The following FANCD2 variants were observed in gnomAD, a reference collection of about 807,000 sequenced individuals.
The protein encoded by FANCD2 is Fanconi anemia group D2 protein.
Under a neutral mutation model 192.3 loss-of-function variants are expected in FANCD2, and 131 were observed. The ratio of observed to expected loss-of-function variants is 0.68; its 90% confidence interval spans 0.59 to 0.79. The LOEUF is 0.79. Among genes scored for constraint, FANCD2 ranks in the 30% least tolerant of loss-of-function variants. FANCD2 has a pLI of 0.00. For synonymous variants in FANCD2, 524 were observed against 612.5 expected, an observed-to-expected ratio of 0.86 and a Z score of 2.13; for missense variants, 1,508 against 1,701.6, an observed-to-expected ratio of 0.89 and a Z score of 2.00.
chr3:10,097,004 G>A (rs576343420), intron 42 of FANCD2, among the ~76,000 whole-genome samples: 2 of 152,204 alleles, frequency 1.3e-5, no homozygotes, highest in East Asian at 3.9e-4. Context: ...TGGGCGTCCG[G>A]GGGAGACATC....
intron 17 of FANCD2, among the ~76,000 whole-genome samples, chr3:10,050,441 G>A (rs1398438917): frequency 1.3e-5 from 2 of 151,264 alleles, no homozygotes; most frequent in Non-Finnish European, 2.9e-5. Flanking sequence ...TGCCTAACAC[G>A]GTGAAACCCC....
chr3:10,081,029 C>T (rs1242554669), intron 30 of FANCD2, 71 bp from the exon 31 acceptor site: 1 of 1,575,932 alleles, frequency 6.3e-7, no homozygotes, highest in Admixed American at 1.7e-5. Flanking sequence ...TGACTTGACT[C>T]CATTGCGAAC....
chr3:10,045,250 G>A (rs2086971592), intron 14 of FANCD2, among the ~76,000 whole-genome samples: 1 of 151,384 alleles, frequency 6.6e-6, no homozygotes, highest in South Asian at 2.1e-4. Context: ...CTCACTGCAA[G>A]CTCCGCCTCC....
intron 42 of FANCD2, 66 bp downstream of exon 42, chr3:10,096,538 T>C (rs1694977957): frequency 1.3e-5 from 20 of 1,502,102 alleles, no homozygotes; most frequent in Non-Finnish European, 1.9e-5. Context: ...TCAGATGGCA[T>C]GTAAGGAAGG....
chr3:10,096,304 G>A (rs769332990), intron 41 of FANCD2, 22 bp from the exon 42 acceptor site: 11 of 1,612,984 alleles, frequency 6.8e-6, no homozygotes, highest in Admixed American at 5.0e-5. Context: ...ACAAAAGATG[G>A]ATGTTATTTA....
At chr3:10,091,082 CT>C (rs893693945) in intron 37 of FANCD2, among the ~76,000 whole-genome samples, 37 of 147,500 alleles carry the variant, frequency 2.5e-4, no homozygotes, top group African/African-American at 8.0e-4. Flanking sequence ...TATGTTTTTT[CT>C]TTTTTTTTTC....
chr3:10,054,467 ATATATATTTTTTTTTTT>A (rs1475783997), intron 18 of FANCD2, among the ~76,000 whole-genome samples: 10 of 25,026 alleles, frequency 4.0e-4, no homozygotes, highest in African/African-American at 7.7e-4. Flanking sequence ...ATATATATAT[ATATATATTTTTTTTTTT>A]TTTTTTTTTT....
In FANCD2 at chr3:10,049,174, A is replaced by G. The variant is rs11921952; in HGVS notation, c.1414-200A>G. ...ACTGATAAAATATGGGAAATAGGTC[A>G]AGATGGGATGGTCAAGTTACACTGG... On this transcript the variant is annotated intron_variant, in intron 16 of 43. Coordinates refer to ENST00000675286, the MANE Select transcript of FANCD2 (RefSeq NM_001018115.3). 0.029 allele frequency among the ~76,000 whole-genome samples: 4,338 copies of G among 151,474 alleles called. 45 individuals carry two copies. The highest frequency in any genetic ancestry group is 0.1 in the African/African-American group (4,115 of 40,984).
intron 25 of FANCD2, among the ~76,000 whole-genome samples, chr3:10,066,457 T>C (rs1400528532): frequency 6.6e-6 from 1 of 152,262 alleles, no homozygotes; most frequent in Non-Finnish European, 1.5e-5. Context: ...TCTATTATGA[T>C]ACGGGCAGGA....
chr3:10,054,447 A>G (rs1412603709), intron 18 of FANCD2, among the ~76,000 whole-genome samples: 3 of 25,766 alleles, frequency 1.2e-4, no homozygotes, highest in African/African-American at 1.9e-4. Flanking sequence ...ATGTATATAC[A>G]TATATATATA....
At chr3:10,038,208 C>A (rs907935558) in intron 7 of FANCD2, among the ~76,000 whole-genome samples, 1 of 152,066 alleles carries the variant, frequency 6.6e-6, no homozygotes. Context: ...GCCAGGCTGG[C>A]CTCGAACTCC....
chr3:10,060,480 C>A, intron 19 of FANCD2, 77 bp downstream of exon 19: 2 of 1,080,268 alleles, frequency 1.9e-6, no homozygotes, highest in Non-Finnish European at 2.9e-6. Context: ...TCATAGACAT[C>A]ATTTTAGCAG....
intron 16 of FANCD2, among the ~76,000 whole-genome samples, chr3:10,048,597 G>A (rs547493630): frequency 6.6e-6 from 1 of 152,332 alleles, no homozygotes; most frequent in East Asian, 1.9e-4. Context: ...GAGCCATTGG[G>A]CCTGGCCGAG....
In FANCD2 at chr3:10,081,411, A is replaced by G; in HGVS notation, c.3171A>G (p.Ile1057Met). Residue 1057 changes from isoleucine (I) to methionine (M), a missense_variant, in exon 32 of 44, where the codon ATA becomes ATG. Around this residue, in one of 5 missense-constraint regions of FANCD2, gnomAD observed 796 missense variants for 879.4 expected, o/e 0.91. Coordinates refer to ENST00000675286, the MANE Select transcript of FANCD2 (RefSeq NM_001018115.3). ...GPGVKVQEYH[I>M]MSSCYQRLLQ... is the part of the protein sequence containing the mutation. ...GAGTGAAAGTTCAGGAGTACCACAT[A>G]ATGTCTTCCTGCTATCAGAGGCTGC... 6.2e-7 allele frequency: 1 copy of G among 1,614,100 alleles called. No individual in the cohort carries two copies. Among genetic ancestry groups the G allele is most frequent in the Non-Finnish European group, 8.5e-7 (1 of 1,179,984 alleles).
At chr3:10,071,318 GATCC>G (rs1693232973) in intron 26 of FANCD2, among the ~76,000 whole-genome samples, 1 of 152,060 alleles carries the variant, frequency 6.6e-6, no homozygotes, top group Admixed American at 6.6e-5. Flanking sequence ...ATCACCATAT[GATCC>G]AGGAATGCCA....
chr3:10,072,363 C>G (rs930313557), intron 26 of FANCD2, among the ~76,000 whole-genome samples: 9 of 150,722 alleles, frequency 6.0e-5, no homozygotes, highest in African/African-American at 2.2e-4. Context: ...ACTACAACCT[C>G]TGCCTCCTGG....
intron 26 of FANCD2, among the ~76,000 whole-genome samples, chr3:10,072,030 G>A (rs1004384132): frequency 1.3e-5 from 2 of 152,140 alleles, no homozygotes; most frequent in Non-Finnish European, 2.9e-5. Flanking sequence ...AAAGTGCTGG[G>A]ATTACAGGCA....
chr3:10,039,304 C>T lies in FANCD2; in HGVS notation c.517C>T (p.Pro173Ser). 2.5e-6 allele frequency: 4 copies of T among 1,613,824 alleles called. No homozygotes were observed. The highest frequency in any genetic ancestry group is 3.4e-6 in the Non-Finnish European group (4 of 1,179,770). ...ENKNSDEINI[P>S]RLIVSQLKWL... The stretch of plus-strand genomic sequence containing the variant: ...CAAGAACAGTGATGAAATCAACATA[C>T]CTCGACTCATTGTCAGTCAACTAAA... Residue 173 changes from proline (P) to serine (S), a missense_variant, in exon 8 of 44, where the codon CCT becomes TCT. This residue lies in a region of FANCD2 where 435 missense variants were observed against 421.9 expected (regional missense o/e 1.03). Transcript: ENST00000675286.
chr3:10,094,739 C>A, intron 40 of FANCD2: 1 of 320,230 alleles, frequency 3.1e-6, no homozygotes, highest in South Asian at 3.3e-5. Flanking sequence ...GTCATAAAAC[C>A]CTTTGCTGTG....
Sources: gnomAD v4.1 joint callset for allele counts (sites outside exome capture counted in the v4.1 genomes callset) on GRCh38, gnomAD v4.1.1 for gene constraint, gnomAD v4.1.1 regional missense constraint, MANE v1.5 for transcripts, NCBI Gene and HGNC (gene_info 2026-07-23, HGNC 2026-07-21) for gene names.